TMPRSS7: variants seen among roughly 807,000 people sequenced by gnomAD.
TMPRSS7 encodes transmembrane serine protease 7.
In TMPRSS7, 81 loss-of-function variants were observed where a neutral mutation model predicts 95.6. The observed-to-expected ratio is 0.85, with a 90% CI of 0.71 to 1.02. The LOEUF (loss-of-function observed/expected upper bound fraction) is 1.02, where lower values mean the gene tolerates loss of function less well. TMPRSS7 is among the 50% of genes least tolerant of loss of function. The pLI, the probability that TMPRSS7 is intolerant of heterozygous loss-of-function variation, is 0.00. For missense variants in TMPRSS7, 945 were observed against 955.2 expected (o/e 0.99, Z 0.14); for synonymous variants, 364 against 337.8 (o/e 1.08, Z -0.85).
At chr3:112,070,609 T>C (rs1255058828) in intron 13 of TMPRSS7, among the ~76,000 whole-genome samples, 2 of 152,246 alleles carry the variant, frequency 1.3e-5, no homozygotes, top group African/African-American at 4.8e-5. Context: ...TTTTGATCTT[T>C]GTTGGTTTAA....
At chr3:112,043,876 T>G (rs540060122) in intron 3 of TMPRSS7, among the ~76,000 whole-genome samples, 1 of 152,340 alleles carries the variant, frequency 6.6e-6, no homozygotes, top group Admixed American at 6.5e-5. Context: ...TCGACGCTGG[T>G]GCACTGATAG....
chr3:112,061,785 A>G lies in TMPRSS7; in HGVS notation c.1311-2A>G, dbSNP rs754327766. 11 of 1,602,044 alleles carry G rather than the reference A, an allele frequency of 6.9e-6. No individual in the cohort carries two copies. Among genetic ancestry groups the G allele is most frequent in the Non-Finnish European group, 9.4e-6 (11 of 1,173,598 alleles). On this transcript the variant is annotated splice_acceptor_variant, in intron 10 of 17. Transcript: ENST00000452346. LOFTEE classifies it high-confidence loss of function. ...TATTCTCCCCGACTCTTGTCTCCCC[A>G]GGTACTGTGGCTCCTACATGGATCA...
Position 112,046,309 on chromosome 3 carries a change from C to T in TMPRSS7, c.691+366C>T, listed in dbSNP as rs565880175. Among the ~76,000 whole-genome samples the T allele has an allele frequency of 1.6e-4, 25 of 152,234 alleles. No individual in the cohort carries two copies. The South Asian group carries it at 4.8e-3, about 29-fold the overall frequency. ...CTTTACTTGCCCAGACAGAACTGTCCCTTTACTGTGTAATGTTGTCCAACA... is the reference window on the plus strand; with the variant it reads ...CTTTACTTGCCCAGACAGAACTGTCTCTTTACTGTGTAATGTTGTCCAACA... On this transcript the variant is annotated intron_variant, in intron 5 of 17. Coordinates refer to ENST00000452346, the Ensembl canonical transcript of TMPRSS7.
At position 112,056,065 on chromosome 3, in the gene TMPRSS7, C is replaced by T. The variant is rs144259840; in HGVS notation, c.1204-960C>T. Among the ~76,000 whole-genome samples the T allele has an allele frequency of 2.7e-3, 407 of 151,948 alleles. 9 individuals carry two copies. The South Asian group carries it at 0.042, about 16-fold the overall frequency. The stretch of plus-strand genomic sequence containing the variant: ...TACAAAAAAAGTAAAAAAAAATAAG[C>T]AAAGAAGTGGGCAATGCTTAAATAA... On this transcript the variant is annotated intron_variant, in intron 9 of 17. Transcript: ENST00000452346.
exon 11 of TMPRSS7, chr3:112,061,835 C>T (rs542321006): frequency 6.2e-6 from 10 of 1,612,638 alleles, no homozygotes; most frequent in African/African-American, 1.3e-5. Context: ...GAGTGCCCAG[C>T]CCTCTGGTTC....
rs200846853 is a variant in TMPRSS7, at chr3:112,042,269, A to AG, written c.429+220dup. Among the ~76,000 whole-genome samples the AG allele has an allele frequency of 4.0e-4, 61 of 152,336 alleles. 1 individual carries two copies. The East Asian group carries it at 0.011, about 28-fold the overall frequency. The stretch of plus-strand genomic sequence containing the variant: ...GCCCCCATGCTCCAATGTAAAAAAA[A>AG]GAATGGCTCTCTCAGCTTCAGTTCT... On this transcript the variant is annotated intron_variant, in intron 3 of 17. Transcript: ENST00000452346.
Position 112,044,322 on chromosome 3 carries a change from G to A in TMPRSS7, c.497G>A (p.Ser166Asn), listed in dbSNP as rs1032229897. Reference sequence around the variant, plus strand: ...GAGCAGTCTGTTGTTGCAGATGTCAGGTAATGCATGTCCCTTGTTTTGAGA... The same window carrying A: ...GAGCAGTCTGTTGTTGCAGATGTCAAGTAATGCATGTCCCTTGTTTTGAGA... The change falls in exon 4 of 18, where the codon AGC becomes AAC. Residue 166 changes from serine (S) to asparagine (N), a missense_variant and splice_region_variant. By Grantham distance (46) the Ser-to-Asn change is conservative. Coordinates refer to ENST00000452346, the Ensembl canonical transcript of TMPRSS7. 16 of 1,550,272 alleles carry A rather than the reference G, an allele frequency of 1.0e-5. No individual in the cohort carries two copies. The Admixed American group carries it at 1.8e-4, about 17-fold the overall frequency.
chr3:112,036,532 C>T (rs563032818), intron 1 of TMPRSS7, among the ~76,000 whole-genome samples: 190 of 151,340 alleles, frequency 1.3e-3, no homozygotes, highest in Admixed American at 2.3e-3. Flanking sequence ...CACTCCATTG[C>T]ACTCCAGCCT....
chr3:112,078,907 AC>A, intron 17 of TMPRSS7, 29 bp downstream of exon 17: 1 of 1,608,874 alleles, frequency 6.2e-7, no homozygotes, highest in Non-Finnish European at 8.5e-7. Flanking sequence ...CCCTTGCCTA[AC>A]ATGTTGTGCT....
rs138371995 is a variant in TMPRSS7, at chr3:112,040,736, C to T, written c.299-1184C>T. ...GGCTTATAAAAATCAGAGAAGGCCA[C>T]TTCATGGAAACAGATCAGTACAAGC... On this transcript the variant is annotated intron_variant, in intron 2 of 17. Coordinates refer to ENST00000452346, the Ensembl canonical transcript of TMPRSS7. 3.2e-3 allele frequency among the ~76,000 whole-genome samples: 494 copies of T among 152,272 alleles called. 1 individual carries two copies. Among genetic ancestry groups the T allele is most frequent in the Middle Eastern group, 0.017 (5 of 294 alleles).
intron 13 of TMPRSS7, among the ~76,000 whole-genome samples, chr3:112,072,264 G>A (rs1039035173): frequency 3.9e-5 from 6 of 152,196 alleles, no homozygotes; most frequent in African/African-American, 1.4e-4. Flanking sequence ...GTTTTCCTGG[G>A]TATCACCAGT....
exon 2 of TMPRSS7, chr3:112,038,137 G>GTTA (rs1357409805): frequency 2.8e-6 from 2 of 702,720 alleles, no homozygotes; most frequent in Non-Finnish European, 5.2e-6. Context: ...GACCACCGTT[G>GTTA]CCAGGGAGAC....
exon 11 of TMPRSS7, chr3:112,061,915 T>G (rs1363729878): frequency 1.2e-6 from 2 of 1,608,752 alleles, no homozygotes; most frequent in Non-Finnish European, 1.7e-6. Context: ...AGTTACAACA[T>G]CAGTCAACGT....
At chr3:112,076,884 A>G (rs2073716025) in exon 16 of TMPRSS7, 4 of 1,613,932 alleles carry the variant, frequency 2.5e-6, no homozygotes, top group East Asian at 2.2e-5. Context: ...AGGCTGTCAG[A>G]TCCCACACCA....
At chr3:112,055,648 A>G (rs1032062321) in intron 9 of TMPRSS7, among the ~76,000 whole-genome samples, 1 of 152,214 alleles carries the variant, frequency 6.6e-6, no homozygotes, top group African/African-American at 2.4e-5. Context: ...AAGCAATTCA[A>G]TAAGGCTGAA....
chr3:112,059,807 A>C (rs141464515), intron 10 of TMPRSS7, among the ~76,000 whole-genome samples: 78 of 152,274 alleles, frequency 5.1e-4, no homozygotes, highest in Middle Eastern at 6.8e-3. Flanking sequence ...TCCTCCTTTA[A>C]TCCTTAAAAT....
chr3:112,079,357 C>T (rs892496769), intron 17 of TMPRSS7, among the ~76,000 whole-genome samples: 2 of 152,272 alleles, frequency 1.3e-5, no homozygotes, highest in East Asian at 1.9e-4. Flanking sequence ...TGACATTTCT[C>T]GGAGCCTGAG....
At chr3:112,049,804 C>A (rs764524734) in intron 7 of TMPRSS7, 40 bp from the exon 8 acceptor site, 4 of 1,457,322 alleles carry the variant, frequency 2.7e-6, no homozygotes, top group East Asian at 2.4e-5. Context: ...TCTCAAATAA[C>A]GTATTATTCA....
intron 13 of TMPRSS7, 111 bp from the exon 14 acceptor site, chr3:112,074,185 A>G (rs2073686078): frequency 1.4e-6 from 1 of 727,168 alleles, no homozygotes. Flanking sequence ...GCAAATACCA[A>G]TCCTGTGATT....
Sources: allele counts gnomAD v4.1 joint callset (sites outside exome capture counted in the v4.1 genomes callset), GRCh38; gene constraint gnomAD v4.1.1; transcripts MANE v1.5; gene names NCBI Gene and HGNC (gene_info 2026-07-23, HGNC 2026-07-21).